The following TBPL2 variants were observed in gnomAD, a reference collection of about 807,000 sequenced individuals.
The protein encoded by TBPL2 is TATA box-binding protein-like 2.
Under a neutral mutation model 38.2 loss-of-function variants are expected in TBPL2, and 40 were observed. The ratio of observed to expected loss-of-function variants is 1.05; its 90% CI spans 0.81 to 1.36. TBPL2 has a LOEUF of 1.36. TBPL2 is among the 40% of genes most tolerant of loss of function. TBPL2 has a pLI of 0.00. For synonymous variants in TBPL2, 169 were observed against 171.7 expected, an observed-to-expected ratio of 0.98 and a Z score of 0.12; for missense variants, 461 against 456.7, an observed-to-expected ratio of 1.01 and a Z score of -0.09.
At position 55,422,200 on chromosome 14, in the gene TBPL2, G is replaced by C. The variant is rs370858046; in HGVS notation, c.1051+1959C>G. ...TATGTAGCGTTAAGTTGGTTGGCTA[G>C]CTATTTGGGACTGGGGCATGGAGAT... On this transcript the variant is annotated intron_variant, in intron 6 of 6. Coordinates refer to ENST00000247219, the Ensembl canonical transcript of TBPL2. 8.1e-4 allele frequency among the ~76,000 whole-genome samples: 124 copies of C among 152,322 alleles called. 3 individuals are homozygous for C. The South Asian group carries it at 0.022, about 27-fold the overall frequency.
At chr14:55,427,572 T>C (rs1001936805) in intron 5 of TBPL2, among the ~76,000 whole-genome samples, 3 of 152,088 alleles carry the variant, frequency 2.0e-5, no homozygotes, top group Non-Finnish European at 4.4e-5. Context: ...GCCAAGAGAA[T>C]TTAAGAGCAT....
exon 2 of TBPL2, chr14:55,436,613 T>C (rs374761149): frequency 1.9e-6 from 3 of 1,614,082 alleles, no homozygotes; most frequent in Non-Finnish European, 2.5e-6. Flanking sequence ...ATTGGTGTCA[T>C]GGGAGTTATG....
At chr14:55,419,432 C>T (rs1295012931) in intron 6 of TBPL2, among the ~76,000 whole-genome samples, 3 of 152,108 alleles carry the variant, frequency 2.0e-5, no homozygotes, top group Non-Finnish European at 4.4e-5. Flanking sequence ...TTTGTTATAC[C>T]CCATTCCAGC....
exon 1 of TBPL2, chr14:55,440,507 C>T (rs765923032): frequency 4.3e-6 from 7 of 1,611,600 alleles, no homozygotes; most frequent in Non-Finnish European, 5.9e-6. Context: ...GCGGAGCGAG[C>T]AGCCTCGGAA....
intron 5 of TBPL2, among the ~76,000 whole-genome samples, chr14:55,428,433 T>C (rs1052035441): frequency 2.6e-5 from 4 of 152,152 alleles, no homozygotes; most frequent in African/African-American, 9.7e-5. Flanking sequence ...GCTACGTTTG[T>C]ATGCTTACAA....
At chr14:55,423,948 ATACT>A (rs1885782186) in intron 6 of TBPL2, among the ~76,000 whole-genome samples, 1 of 152,258 alleles carries the variant, frequency 6.6e-6, no homozygotes, top group African/African-American at 2.4e-5. Flanking sequence ...TAAAGATGAA[ATACT>A]TAATAAAATG....
chr14:55,416,799 C>T (rs117738286), intron 6 of TBPL2, among the ~76,000 whole-genome samples: 42 of 152,358 alleles, frequency 2.8e-4, no homozygotes, highest in Non-Finnish European at 5.7e-4. Flanking sequence ...AGCAAACACA[C>T]ACATGCCCCT....
At chr14:55,415,296 G>A (rs1248955373) in intron 6 of TBPL2, among the ~76,000 whole-genome samples, 1 of 152,202 alleles carries the variant, frequency 6.6e-6, no homozygotes, top group East Asian at 1.9e-4. Flanking sequence ...CTGTTAGCAT[G>A]AAGAGAAATG....
intron 4 of TBPL2, among the ~76,000 whole-genome samples, chr14:55,429,640 C>A (rs1198130869): frequency 2.0e-5 from 3 of 151,812 alleles, no homozygotes; most frequent in African/African-American, 4.8e-5. Flanking sequence ...GTGGCGGGCA[C>A]CTGTAATCCC....
exon 5 of TBPL2, chr14:55,428,959 T>A: frequency 6.2e-7 from 1 of 1,614,102 alleles, no homozygotes; most frequent in Non-Finnish European, 8.5e-7. Flanking sequence ...TTGCTGCAAG[T>A]CGAGACTGCT....
chr14:55,417,049 G>A (rs962261844), intron 6 of TBPL2, among the ~76,000 whole-genome samples: 9 of 152,212 alleles, frequency 5.9e-5, no homozygotes, highest in African/African-American at 1.9e-4. Flanking sequence ...CCCCTGGGGG[G>A]CGCCCTTTCC....
intron 4 of TBPL2, among the ~76,000 whole-genome samples, chr14:55,432,850 T>C (rs555701617): frequency 7.7e-4 from 118 of 152,314 alleles, no homozygotes; most frequent in African/African-American, 2.7e-3. Flanking sequence ...AACACAGGGC[T>C]TCCTCTGCGT....
intron 6 of TBPL2, among the ~76,000 whole-genome samples, chr14:55,421,129 T>C (rs908678009): frequency 1.3e-5 from 2 of 152,016 alleles, no homozygotes; most frequent in African/African-American, 4.8e-5. Context: ...TTAAGGGCAT[T>C]TAAAGAAATC....
At chr14:55,428,947 T>G (rs1311085579) in exon 5 of TBPL2, 11 of 1,614,176 alleles carry the variant, frequency 6.8e-6, no homozygotes, top group Non-Finnish European at 9.3e-6. Flanking sequence ...GAGCATATTT[T>G]CTTGCTGCAA....
Position 55,433,664 on chromosome 14 carries a change from TAAATATAA to T in TBPL2, c.746_753del (p.Leu249GlnfsTer13), listed in dbSNP as rs768764248. 1.2e-6 allele frequency: 2 copies of T among 1,614,136 alleles called. No individual in the cohort carries two copies. The highest frequency in any genetic ancestry group is 1.7e-6 in the Non-Finnish European group (2 of 1,180,016). On this transcript the variant is annotated frameshift_variant, in exon 4 of 7. Coordinates refer to ENST00000247219, the Ensembl canonical transcript of TBPL2. LOFTEE classifies it high-confidence loss of function. The stretch of plus-strand genomic sequence containing the variant: ...CCCGTGCAGACCATCTTCCCAGAGC[TAAATATAA>T]GGGCTGTTGTCCTGGGCTCTCGGAT...
chr14:55,435,571 G>A (rs755144690), intron 3 of TBPL2, among the ~76,000 whole-genome samples: 12 of 152,112 alleles, frequency 7.9e-5, no homozygotes, highest in Non-Finnish European at 1.5e-4. Context: ...ACCGTGCCCA[G>A]CCTAAGTGAA....
At chr14:55,436,921 G>A (rs777230784) in exon 2 of TBPL2, 14 of 1,614,072 alleles carry the variant, frequency 8.7e-6, no homozygotes, top group Non-Finnish European at 1.7e-6. Context: ...TTCAGGGTTC[G>A]AATTAAATGC....
At chr14:55,433,856 ATTAAGG>A in intron 3 of TBPL2, 135 bp from the exon 4 acceptor site, 1 of 646,104 alleles carries the variant, frequency 1.5e-6, no homozygotes, top group Non-Finnish European at 2.6e-6. Context: ...TTCTCCCTAC[ATTAAGG>A]TTAACAAAAA....
rs71131272 is a variant in TBPL2, at chr14:55,439,930, C to CAAAAAAAAAAAAAAAA, written c.150+450_150+465dup. 2.0e-3 allele frequency among the ~76,000 whole-genome samples: 77 copies of CAAAAAAAAAAAAAAAA among 39,170 alleles called. 2 individuals are homozygous for CAAAAAAAAAAAAAAAA. The highest frequency in any genetic ancestry group is 2.3e-3 in the South Asian group (2 of 876). 25.7% of individuals were successfully genotyped at this position (39,170 alleles called of 152,430 possible). On this transcript the variant is annotated intron_variant, in intron 1 of 6. Coordinates refer to ENST00000247219, the Ensembl canonical transcript of TBPL2. The stretch of plus-strand genomic sequence containing the variant: ...TGGGTGACAGAGCGAGACTCTGTCT[C>CAAAAAAAAAAAAAAAA]AAAAAAAAAAAAAAAAAAAAATTAG...
Sources: allele counts gnomAD v4.1 joint callset (sites outside exome capture counted in the v4.1 genomes callset), GRCh38; gene constraint gnomAD v4.1.1; transcripts MANE v1.5; gene names NCBI Gene and HGNC (gene_info 2026-07-23, HGNC 2026-07-21).